Variants in ZNF385D observed in about 807,000 individuals in gnomAD.
ZNF385D encodes zinc finger protein 659.
In ZNF385D, 15 loss-of-function variants were observed where a neutral mutation model predicts 35.8. That is an observed-to-expected ratio of 0.42 (90% CI 0.28 to 0.64). The LOEUF (loss-of-function observed/expected upper bound fraction) is 0.64, where lower values mean the gene tolerates loss of function less well. Ranked by LOEUF, ZNF385D falls within the 30% of genes least tolerant of loss-of-function variation. The pLI, the probability that ZNF385D is intolerant of heterozygous loss-of-function variation, is 0.23. For synonymous variants in ZNF385D, 212 were observed against 186.8 expected (o/e 1.13, Z -1.10); for missense variants, 474 against 494.6 (o/e 0.96, Z 0.39).
At chr3:22,249,302 A>ATGGGTGGGGGG (rs1419845016) in intron 2 of ZNF385D, among the ~76,000 whole-genome samples, 1 of 152,188 alleles carries the variant, frequency 6.6e-6, no homozygotes, top group East Asian at 1.9e-4. Context: ...CTGTCTTAAT[A>ATGGGTGGGGGG]AATGTAATGC....
intron 2 of ZNF385D, among the ~76,000 whole-genome samples, chr3:21,605,698 C>T (rs529519358): frequency 3.9e-5 from 6 of 152,146 alleles, no homozygotes; most frequent in Non-Finnish European, 7.3e-5. Context: ...CAATAGCAAC[C>T]AACTGTAGGG....
intron 1 of ZNF385D, among the ~76,000 whole-genome samples, chr3:21,704,286 G>A (rs2067815229): frequency 6.6e-6 from 1 of 151,986 alleles, no homozygotes; most frequent in African/African-American, 2.4e-5. Context: ...CTCAGGTCCT[G>A]CCAATAGCTA....
rs552260293 is a variant in ZNF385D, at chr3:21,502,622, G to A, written c.439+8239C>T. 6.9e-4 allele frequency among the ~76,000 whole-genome samples: 105 copies of A among 152,202 alleles called. 4 individuals carry two copies. The South Asian group carries it at 0.012, about 17-fold the overall frequency. ...TTGTTACTTTTATGTCATTCCTAAT[G>A]TGAAATTTATCATCACTGATTCACA... On this transcript the variant is annotated intron_variant, in intron 4 of 7. Transcript: ENST00000281523.
At chr3:21,784,604 A>C (rs183306273) in intron 3 of ZNF385D, among the ~76,000 whole-genome samples, 21 of 152,208 alleles carry the variant, frequency 1.4e-4, no homozygotes, top group Admixed American at 1.3e-3. Context: ...AGAGGGCACT[A>C]AACATCTCAG....
At chr3:21,853,852 A>C (rs1696557295) in intron 3 of ZNF385D, among the ~76,000 whole-genome samples, 1 of 151,890 alleles carries the variant, frequency 6.6e-6, no homozygotes, top group African/African-American at 2.4e-5. Flanking sequence ...GGAAGATTAT[A>C]TACTGTATAA....
At position 21,681,132 on chromosome 3, in the gene ZNF385D, A is replaced by C. The variant is rs1460654621; in HGVS notation, c.23-16104T>G. On this transcript the variant is annotated intron_variant, in intron 1 of 7. Transcript: ENST00000281523. ...GAGTGTAACAGAATTGTTTCAAGGA[A>C]CTCAGAGTCTCCTATCACATTTCAG... Among the ~76,000 whole-genome samples, 11 of 152,106 alleles carry C rather than the reference A, an allele frequency of 7.2e-5. No homozygotes were observed. The South Asian group carries it at 1.9e-3, about 26-fold the overall frequency.
intron 3 of ZNF385D, among the ~76,000 whole-genome samples, chr3:21,825,855 G>A (rs1004497916): frequency 1.3e-5 from 2 of 152,162 alleles, no homozygotes; most frequent in Admixed American, 6.5e-5. Context: ...CAGGAGGTGA[G>A]CGCCGGGAAA....
At chr3:21,893,099 C>A (rs1201198430) in intron 3 of ZNF385D, among the ~76,000 whole-genome samples, 1 of 152,100 alleles carries the variant, frequency 6.6e-6, no homozygotes, top group Non-Finnish European at 1.5e-5. Context: ...ACACTCCCTG[C>A]ATGATATCAA....
chr3:21,961,718 CT>C (rs965192061), intron 3 of ZNF385D, among the ~76,000 whole-genome samples: 1 of 152,006 alleles, frequency 6.6e-6, no homozygotes, highest in Non-Finnish European at 1.5e-5. Context: ...ATATAGGATT[CT>C]AACATGATCC....
At chr3:22,240,025 T>A (rs1347981444) in intron 2 of ZNF385D, among the ~76,000 whole-genome samples, 3 of 146,532 alleles carry the variant, frequency 2.0e-5, no homozygotes, top group African/African-American at 5.1e-5. Context: ...AAAAAAAAAA[T>A]ACAAAATATT....
At chr3:22,278,918 C>T (rs1701574570) in intron 2 of ZNF385D, among the ~76,000 whole-genome samples, 3 of 152,046 alleles carry the variant, frequency 2.0e-5, no homozygotes, top group Admixed American at 2.0e-4. Flanking sequence ...TTTTCTCCTG[C>T]ATCTCCCACA....
At chr3:22,152,102 G>A (rs1705277421) in intron 3 of ZNF385D, among the ~76,000 whole-genome samples, 1 of 152,026 alleles carries the variant, frequency 6.6e-6, no homozygotes. Flanking sequence ...GAGAACACAG[G>A]TTTTTGGTTT....
intron 3 of ZNF385D, among the ~76,000 whole-genome samples, chr3:21,909,749 A>G (rs1326300017): frequency 6.6e-6 from 1 of 152,044 alleles, no homozygotes; most frequent in Non-Finnish European, 1.5e-5. Flanking sequence ...ACTATGGGAA[A>G]TCTTCAAAAG....
intron 2 of ZNF385D, among the ~76,000 whole-genome samples, chr3:21,604,051 A>G (rs1158037912): frequency 6.6e-6 from 1 of 152,176 alleles, no homozygotes; most frequent in Admixed American, 6.5e-5. Context: ...TTGCCGAGTA[A>G]CTGCAAGCAG....
In ZNF385D at chr3:21,868,069, G is replaced by T. The variant is rs1296587; in HGVS notation, c.326-203041C>A. Among the ~76,000 whole-genome samples the T allele has an allele frequency of 3.2e-4, 48 of 152,076 alleles. 1 individual carries two copies. Among genetic ancestry groups the T allele is most frequent in the African/African-American group, 1.1e-3 (45 of 41,416 alleles). ...ATATATGTATGTATGTGAAGATTTAGTATTTGCTAGGTTCTGTGTTAAGAA... is the reference window on the plus strand; with the variant it reads ...ATATATGTATGTATGTGAAGATTTATTATTTGCTAGGTTCTGTGTTAAGAA... On this transcript the variant is annotated intron_variant, in intron 3 of 5. Coordinates refer to the ZNF385D transcript ENST00000494108.
In ZNF385D at chr3:22,066,940, G is replaced by C. The variant is rs78768145; in HGVS notation, c.325+101877C>G. On this transcript the variant is annotated intron_variant, in intron 3 of 5. Transcript: ENST00000494108. ...CTATAATCAGAAGTACCCCATTCTT[G>C]TTTAGTTTCCCTACTTTCTAACATC... Among the ~76,000 whole-genome samples the C allele has an allele frequency of 9.3e-3, 1,421 of 152,208 alleles. 54 individuals carry two copies. In the East Asian group the frequency reaches 0.13, roughly 14 times the overall value.
chr3:21,485,336 G>T (rs1243634445), intron 4 of ZNF385D, among the ~76,000 whole-genome samples: 1 of 152,120 alleles, frequency 6.6e-6, no homozygotes, highest in Non-Finnish European at 1.5e-5. Flanking sequence ...ACATTAGAGA[G>T]ACACTTATGT....
chr3:21,774,392 C>T (rs759854206), intron 3 of ZNF385D, among the ~76,000 whole-genome samples: 19 of 151,788 alleles, frequency 1.3e-4, no homozygotes, highest in Non-Finnish European at 2.2e-4. Context: ...ACCTATGTAA[C>T]AAACATGCAC....
chr3:21,530,952 G>A (rs751546321), intron 3 of ZNF385D, among the ~76,000 whole-genome samples: 40 of 152,156 alleles, frequency 2.6e-4, no homozygotes, highest in African/African-American at 2.4e-4. Context: ...AAATCCTAGC[G>A]CTGCAGTGGC....
Sources: allele counts gnomAD v4.1 joint callset (sites outside exome capture counted in the v4.1 genomes callset), GRCh38; gene constraint gnomAD v4.1.1; transcripts MANE v1.5; gene names NCBI Gene and HGNC (gene_info 2026-07-23, HGNC 2026-07-21).